The following RALGPS2 variants were observed in gnomAD, a reference collection of about 807,000 sequenced individuals.
RALGPS2 encodes the protein Ral GEF with PH domain and SH3 binding motif 2.
A neutral mutation model predicts 86.8 loss-of-function variants in RALGPS2; 43 were observed. That is an observed-to-expected ratio of 0.50 (90% CI 0.39 to 0.64). The LOEUF (loss-of-function observed/expected upper bound fraction) is 0.64. Among genes scored for constraint, RALGPS2 ranks in the 30% least tolerant of loss-of-function variants. RALGPS2 has a pLI of 0.00. For missense variants in RALGPS2, 536 were observed against 694.6 expected (o/e 0.77, Z 2.57); for synonymous variants, 243 against 231.3 (o/e 1.05, Z -0.46).
At chr1:178,737,245 T>A (rs1309369005) in intron 1 of RALGPS2, among the ~76,000 whole-genome samples, 2 of 152,176 alleles carry the variant, frequency 1.3e-5, no homozygotes, top group Non-Finnish European at 2.9e-5. Context: ...TTTCACTGTC[T>A]TGCGCCTTTT....
intron 7 of RALGPS2, among the ~76,000 whole-genome samples, chr1:178,827,729 A>G (rs968907039): frequency 2.6e-5 from 4 of 152,198 alleles, no homozygotes; most frequent in East Asian, 1.9e-4. Context: ...CTGTGAAGCT[A>G]TAGTAATCAA....
chr1:178,807,858 C>T (rs1231751499), intron 4 of RALGPS2, among the ~76,000 whole-genome samples, 187 bp from the exon 5 acceptor site: 1 of 152,166 alleles, frequency 6.6e-6, no homozygotes, highest in Non-Finnish European at 1.5e-5. Flanking sequence ...TCGTTGTGCT[C>T]TCTTATGTCC....
intron 1 of RALGPS2, chr1:178,747,772 G>A: frequency 1.2e-6 from 1 of 856,480 alleles, no homozygotes; most frequent in Admixed American, 1.9e-5. Context: ...GGAGCGAGCT[G>A]GTGCGAGCAG....
intron 1 of RALGPS2, among the ~76,000 whole-genome samples, chr1:178,732,115 C>CATCACTGAGAGTAAGGAAGA (rs1553257390): frequency 6.6e-6 from 1 of 152,004 alleles, no homozygotes; most frequent in African/African-American, 2.4e-5. Flanking sequence ...AGGCCAAGCT[C>CATCACTGAGAGTAAGGAAGA]ATCATCTGAG....
intron 9 of RALGPS2, among the ~76,000 whole-genome samples, chr1:178,877,950 G>C (rs894574441): frequency 2.0e-5 from 3 of 151,862 alleles, no homozygotes; most frequent in African/African-American, 7.3e-5. Context: ...ACAGCTATTT[G>C]GCCCTTTATA....
At position 178,814,737 on chromosome 1, in the gene RALGPS2, A is replaced by G. The variant is rs530279065; in HGVS notation, c.387+3333A>G. ...AGTGCTGGGATTACAAGTGTGAGCT[A>G]CTGTACCTGTCCCCTCGTCTCTTTA... On this transcript the variant is annotated intron_variant, in intron 6 of 19. Transcript: ENST00000367635. Among the ~76,000 whole-genome samples, 4 of 152,246 alleles carry G rather than the reference A, an allele frequency of 2.6e-5. No individual in the cohort carries two copies. The East Asian group carries it at 7.7e-4, about 29-fold the overall frequency.
chr1:178,859,401 C>CTTTTTTTT (rs543947031), intron 8 of RALGPS2, among the ~76,000 whole-genome samples: 1 of 122,900 alleles, frequency 8.1e-6, no homozygotes, highest in Non-Finnish European at 1.7e-5. Context: ...CCAAGTTTAA[C>CTTTTTTTT]TTTTTTTTTT....
chr1:178,868,955 T>C (rs1233200101), intron 8 of RALGPS2, among the ~76,000 whole-genome samples: 3 of 152,060 alleles, frequency 2.0e-5, no homozygotes, highest in Non-Finnish European at 2.9e-5. Flanking sequence ...TTTACTGTTA[T>C]GTTTTCTGAA....
chr1:178,801,805 T>C (rs555134980), intron 4 of RALGPS2, among the ~76,000 whole-genome samples: 1 of 118,868 alleles, frequency 8.4e-6, no homozygotes, highest in Non-Finnish European at 1.8e-5. Context: ...AAAAGGTGAC[T>C]TGATGGGTAG....
At chr1:178,792,335 A>G (rs1653993804) in intron 4 of RALGPS2, among the ~76,000 whole-genome samples, 1 of 152,210 alleles carries the variant, frequency 6.6e-6, no homozygotes, top group Non-Finnish European at 1.5e-5. Context: ...AATACAATTG[A>G]GAAACCAAAA....
chr1:178,732,293 T>TTTTATTTATTTATTTA (rs60426564), intron 1 of RALGPS2, among the ~76,000 whole-genome samples: 9,940 of 150,170 alleles, frequency 0.066, 354 homozygotes, highest in East Asian at 0.087. Context: ...TCCTGATTTA[T>TTTTATTTATTTATTTA]TTTATTTATT....
intron 15 of RALGPS2, among the ~76,000 whole-genome samples, chr1:178,893,358 A>T: frequency 6.6e-6 from 1 of 151,612 alleles, no homozygotes; most frequent in East Asian, 1.9e-4. Flanking sequence ...TTTAAATGTT[A>T]TTAAAATGTA....
chr1:178,822,675 A>G (rs1414086240), intron 7 of RALGPS2, among the ~76,000 whole-genome samples: 1 of 152,058 alleles, frequency 6.6e-6, no homozygotes, highest in Non-Finnish European at 1.5e-5. Context: ...TTATAGAAAA[A>G]CCTTGGTGTG....
intron 8 of RALGPS2, among the ~76,000 whole-genome samples, chr1:178,856,394 A>ATTTTTTTT (rs71108081): frequency 0.035 from 1,277 of 36,426 alleles, 325 homozygotes; most frequent in Non-Finnish European, 0.047. Flanking sequence ...TGCCTGGCTA[A>ATTTTTTTT]TTTTTTTTTT....
intron 19 of RALGPS2, among the ~76,000 whole-genome samples, chr1:178,912,457 G>C (rs906843684): frequency 1.3e-5 from 2 of 152,092 alleles, no homozygotes; most frequent in African/African-American, 4.8e-5. Flanking sequence ...TTAGTTTGGT[G>C]GGACATGAAA....
chr1:178,811,361 A>G lies in RALGPS2; in HGVS notation c.344A>G (p.Lys115Arg), dbSNP rs1654966572. Reference sequence around the variant, plus strand: ...GAGATTCTTCATGCTCAAACATTAAAAATTAGAGCAGAAGTTTTGAGCCAC... The same window carrying G: ...GAGATTCTTCATGCTCAAACATTAAGAATTAGAGCAGAAGTTTTGAGCCAC... ...VREILHAQTLKIRAEVLSHYI... is the reference protein window; with the variant it reads ...VREILHAQTLRIRAEVLSHYI... Residue 115 changes from lysine to arginine, a missense_variant, in exon 6 of 20, where the codon AAA becomes AGA. This residue lies in a region of RALGPS2 where 184 missense variants were observed against 296.7 expected (regional missense o/e 0.62). Transcript: ENST00000367635. 6.5e-7 allele frequency: 1 copy of G among 1,549,806 alleles called. No individual in the cohort carries two copies.
intron 2 of RALGPS2, among the ~76,000 whole-genome samples, chr1:178,784,047 A>T (rs138312149): frequency 6.6e-6 from 1 of 152,276 alleles, no homozygotes; most frequent in Non-Finnish European, 1.5e-5. Context: ...TTCTTAATAA[A>T]AATTAGTTTA....
chr1:178,834,846 C>T (rs1453618880), intron 8 of RALGPS2, among the ~76,000 whole-genome samples: 1 of 152,222 alleles, frequency 6.6e-6, no homozygotes, highest in African/African-American at 2.4e-5. Flanking sequence ...AGTGCGATCG[C>T]TGCTTGCTGC....
intron 8 of RALGPS2, among the ~76,000 whole-genome samples, chr1:178,847,004 G>A (rs958475758): frequency 2.6e-5 from 4 of 152,158 alleles, no homozygotes; most frequent in East Asian, 1.9e-4. Flanking sequence ...GTAAAGATAC[G>A]TATTTCATTC....
Sources: gnomAD v4.1 joint callset for allele counts (sites outside exome capture counted in the v4.1 genomes callset) on GRCh38, gnomAD v4.1.1 for gene constraint, gnomAD v4.1.1 regional missense constraint, MANE v1.5 for transcripts, NCBI Gene and HGNC (gene_info 2026-07-23, HGNC 2026-07-21) for gene names.